The following IL1RAPL2 variants were observed in gnomAD, a reference collection of about 807,000 sequenced individuals.
IL1RAPL2 encodes the protein interleukin 1 receptor accessory protein like 2, also known as X-linked interleukin-1 receptor accessory protein-like 2.
In IL1RAPL2, 3 loss-of-function variants were observed where a neutral mutation model predicts 44.1. The observed-to-expected ratio is 0.07, with a 90% confidence interval of 0.03 to 0.18. The LOEUF (loss-of-function observed/expected upper bound fraction) is 0.18. IL1RAPL2 is among the 10% of genes least tolerant of loss of function. IL1RAPL2 has a pLI of 1.00. For missense variants in IL1RAPL2, 391 were observed against 496.4 expected, an observed-to-expected ratio of 0.79 and a Z score of 2.02; for synonymous variants, 181 against 178.8, an observed-to-expected ratio of 1.01 and a Z score of -0.10.
chrX:104,749,643 T>A (rs972370912), intron 2 of IL1RAPL2, among the ~76,000 whole-genome samples: 1 of 111,494 alleles, frequency 9.0e-6, no homozygotes. Context: ...TGGAGAAGAA[T>A]ATTCTTAGCT....
At chrX:105,201,191 T>C (rs1341386020) in intron 3 of IL1RAPL2, among the ~76,000 whole-genome samples, 1 of 111,927 alleles carries the variant, frequency 8.9e-6, no homozygotes, top group African/African-American at 3.2e-5. Flanking sequence ...CCTTAGTATA[T>C]GTCTAGCCAG....
intron 2 of IL1RAPL2, among the ~76,000 whole-genome samples, chrX:104,784,345 C>T (rs916515506): frequency 8.1e-5 from 9 of 111,404 alleles, no homozygotes; most frequent in African/African-American, 2.9e-4. Flanking sequence ...GCAGAGTTTT[C>T]TTCTACAGTT....
intron 2 of IL1RAPL2, among the ~76,000 whole-genome samples, chrX:104,783,630 A>C (rs1408949086): frequency 9.1e-6 from 1 of 109,386 alleles, no homozygotes; most frequent in African/African-American, 3.3e-5. Flanking sequence ...TTTGGCTTAA[A>C]TCTGTTTTTA....
chrX:105,030,487 A>G (rs187214217), intron 2 of IL1RAPL2, among the ~76,000 whole-genome samples: 14 of 112,054 alleles, frequency 1.2e-4, no homozygotes, highest in African/African-American at 4.5e-4. Flanking sequence ...TCCCAGCACC[A>G]TTTATTAAAT....
intron 2 of IL1RAPL2, among the ~76,000 whole-genome samples, chrX:105,084,408 C>T (rs758843789): frequency 1.8e-5 from 2 of 113,013 alleles, no homozygotes; most frequent in South Asian, 7.3e-4. Flanking sequence ...GTAAGCCAAC[C>T]TCTTTCATTA....
chrX:105,544,581 A>C (rs1017677553), intron 6 of IL1RAPL2, among the ~76,000 whole-genome samples: 1 of 111,205 alleles, frequency 9.0e-6, no homozygotes, highest in African/African-American at 3.3e-5. Context: ...CAATCTATTT[A>C]TGTCTTTGCA....
At chrX:104,719,623 C>A (rs1441980339) in intron 2 of IL1RAPL2, among the ~76,000 whole-genome samples, 2 of 111,504 alleles carry the variant, frequency 1.8e-5, no homozygotes, top group African/African-American at 3.3e-5. Flanking sequence ...CAAACCTATC[C>A]AGCTGAAAGA....
chrX:105,540,445 T>C (rs2036711883), intron 6 of IL1RAPL2, among the ~76,000 whole-genome samples: 1 of 110,345 alleles, frequency 9.1e-6, no homozygotes. Flanking sequence ...AACCAATTAC[T>C]GCATGTTCTC....
At chrX:105,423,872 A>C (rs2035789990) in intron 5 of IL1RAPL2, among the ~76,000 whole-genome samples, 1 of 110,535 alleles carries the variant, frequency 9.0e-6, no homozygotes, top group Non-Finnish European at 1.9e-5. Flanking sequence ...ACAAGTAAAA[A>C]AAAAAAAAAG....
At chrX:104,830,759 G>A (rs1921583355) in intron 2 of IL1RAPL2, among the ~76,000 whole-genome samples, 1 of 111,838 alleles carries the variant, frequency 8.9e-6, no homozygotes, top group African/African-American at 3.2e-5. Flanking sequence ...AATATTTTAT[G>A]GGTCTATAAT....
chrX:105,686,380 C>CAA (rs1177667576), intron 6 of IL1RAPL2, among the ~76,000 whole-genome samples: 56 of 25,153 alleles, frequency 2.2e-3, no homozygotes, highest in East Asian at 7.3e-3. Flanking sequence ...AAATGGAAAG[C>CAA]AAAAAAAAAA....
intron 6 of IL1RAPL2, among the ~76,000 whole-genome samples, chrX:105,507,735 C>T (rs2036440974): frequency 1.8e-5 from 2 of 111,550 alleles, no homozygotes; most frequent in Non-Finnish European, 3.8e-5. Context: ...ATTTTAACTG[C>T]AAATTTAATT....
intron 2 of IL1RAPL2, among the ~76,000 whole-genome samples, chrX:104,777,793 G>A (rs764461543): frequency 1.2e-3 from 133 of 109,666 alleles, no homozygotes; most frequent in African/African-American, 4.2e-3. Context: ...TGTTGGCCAG[G>A]CTGGCCTCAA....
intron 4 of IL1RAPL2, among the ~76,000 whole-genome samples, chrX:105,238,597 ATG>A (rs1349900536): frequency 9.0e-6 from 1 of 110,845 alleles, no homozygotes; most frequent in Non-Finnish European, 1.9e-5. Flanking sequence ...TCTAGGATAT[ATG>A]TGTTTCCTTA....
At chrX:104,667,833 C>A (rs73635154) in intron 2 of IL1RAPL2, among the ~76,000 whole-genome samples, 1 of 111,173 alleles carries the variant, frequency 9.0e-6, no homozygotes, top group Admixed American at 9.6e-5. Context: ...ATTTACAACT[C>A]TTATAAAAGG....
chrX:104,636,460 G>A (rs764330246), intron 1 of IL1RAPL2, among the ~76,000 whole-genome samples: 2 of 112,403 alleles, frequency 1.8e-5, no homozygotes, highest in South Asian at 7.4e-4. Context: ...ACAGATGCAG[G>A]CAGGTCTCCT....
At chrX:105,658,961 CAA>C (rs1157609868) in intron 6 of IL1RAPL2, among the ~76,000 whole-genome samples, 6 of 37,832 alleles carry the variant, frequency 1.6e-4, no homozygotes, top group Admixed American at 7.3e-4. Context: ...GACTCCGTCT[CAA>C]AAAAAAAAAA....
intron 2 of IL1RAPL2, among the ~76,000 whole-genome samples, chrX:104,935,889 A>G (rs1177125101): frequency 9.0e-6 from 1 of 111,383 alleles, no homozygotes; most frequent in Non-Finnish European, 1.9e-5. Flanking sequence ...TTCTAAATTT[A>G]GGTGTCCTTG....
intron 5 of IL1RAPL2, among the ~76,000 whole-genome samples, chrX:105,338,299 T>G (rs758660637): frequency 8.9e-6 from 1 of 112,135 alleles, no homozygotes; most frequent in South Asian, 3.7e-4. Context: ...TACTCTTTGC[T>G]GATGAAGAGG....
Sources: gnomAD v4.1 joint callset for allele counts (sites outside exome capture counted in the v4.1 genomes callset) on GRCh38, gnomAD v4.1.1 for gene constraint, MANE v1.5 for transcripts, NCBI Gene and HGNC (gene_info 2026-07-23, HGNC 2026-07-21) for gene names.